The following PFAS variants were observed in gnomAD, a reference collection of about 807,000 sequenced individuals.
The protein encoded by PFAS is phosphoribosylformylglycinamidine synthase, also known as FGAM synthase.
Under a neutral mutation model 140.6 loss-of-function variants are expected in PFAS, and 97 were observed. The ratio of observed to expected loss-of-function variants is 0.69; its 90% CI spans 0.59 to 0.82. The LOEUF is 0.82. Among genes scored for constraint, PFAS ranks in the 40% least tolerant of loss-of-function variants. The pLI is 0.00. For synonymous variants in PFAS, 679 were observed against 718.8 expected, an observed-to-expected ratio of 0.94 and a Z score of 0.88; for missense variants, 1,656 against 1,780.2, an observed-to-expected ratio of 0.93 and a Z score of 1.26.
At position 8,263,035 on chromosome 17, in the gene PFAS, C is replaced by G. The variant is rs762503832; in HGVS notation, c.1410+42C>G. ...AAAGGTGCAGAATCCTTGATATAAC[C>G]GGGCCCCAGGCATAGGGGAGCGTAT... On this transcript the variant is annotated intron_variant, in intron 12 of 27. Coordinates refer to ENST00000314666, the MANE Select transcript of PFAS (RefSeq NM_012393.3). The G allele has an allele frequency of 3.1e-6, 5 of 1,609,030 alleles. No homozygotes were observed. The African/African-American group carries it at 5.3e-5, about 17-fold the overall frequency.
chr17:8,259,115 G>A (rs76082855), intron 11 of PFAS, among the ~76,000 whole-genome samples: 4,347 of 140,618 alleles, frequency 0.031, 100 homozygotes, highest in Non-Finnish European at 0.048. Context: ...CACTGCGATC[G>A]CACCACTGTC....
Position 8,256,147 on chromosome 17 carries a change from A to G in PFAS, c.681-120A>G, listed in dbSNP as rs1989352690. 7.1e-6 allele frequency: 7 copies of G among 982,060 alleles called. No individual in the cohort carries two copies. The South Asian group carries it at 8.2e-5, about 11-fold the overall frequency. The allele number at this position is 982,060 out of a possible 1,614,324, so 60.8% of individuals were successfully genotyped here. ...TTATGACTTTTTGGAATATATTTTG[A>G]TCTGTCATCTAAGTATGAATTTGGC... On this transcript the variant is annotated intron_variant, in intron 6 of 27. Transcript: ENST00000314666.
In PFAS at chr17:8,254,289, A is replaced by T; in HGVS notation, c.266A>T (p.Glu89Val). ...LLPGSNDLLL[E>V]VGPRLNFSTP... is the part of the protein sequence containing the mutation. ...CCTGGCTCCAATGACCTGCTGCTGG[A>T]GGTCGGGCCCAGGTAAGTATCTCAT... is the stretch of plus-strand genomic sequence containing the variant. Residue 89 changes from glutamate (E) to valine (V), a missense_variant, in exon 3 of 28, where the codon GAG becomes GTG. Transcript: ENST00000314666. 1 of 1,614,080 alleles carries T rather than the reference A, an allele frequency of 6.2e-7. No homozygotes were observed. The highest frequency in any genetic ancestry group is 8.5e-7 in the Non-Finnish European group (1 of 1,180,012).
chr17:8,264,326 A>T lies in PFAS; in HGVS notation c.1906A>T (p.Met636Leu). 6.2e-7 allele frequency: 1 copy of T among 1,613,932 alleles called. No individual in the cohort carries two copies. Among genetic ancestry groups the T allele is most frequent in the East Asian group, 2.2e-5 (1 of 44,868 alleles). Residue 636 changes from methionine to leucine, a missense_variant, in exon 16 of 28, where the codon ATG becomes TTG. Transcript: ENST00000314666. ...GGAGCTCGAATGGGTGCTGGGCAAG[A>T]TGCCTCGGAAGGTATGTGGGGTTGA... is the stretch of plus-strand genomic sequence containing the variant. Reference protein sequence around the residue: ...DLELEWVLGKMPRKEFFLQRK... With the variant: ...DLELEWVLGKLPRKEFFLQRK...
intron 1 of PFAS, among the ~76,000 whole-genome samples, chr17:8,251,529 C>G (rs1328700379): frequency 2.0e-5 from 3 of 152,014 alleles, no homozygotes; most frequent in Non-Finnish European, 4.4e-5. Context: ...TCAAGCAGTC[C>G]ACTGCTTTGG....
Position 8,258,215 on chromosome 17 carries a change from C to T in PFAS, c.1336+16C>T, listed in dbSNP as rs1214556336. ...CCAGAGCCAGGTAAGAGCCTGCCAC[C>T]TTTCTCTGGATCCAGCCAGCTTTCT... On this transcript the variant is annotated intron_variant, in intron 11 of 27. Coordinates refer to ENST00000314666, the MANE Select transcript of PFAS (RefSeq NM_012393.3). 4 of 1,613,262 alleles carry T rather than the reference C, an allele frequency of 2.5e-6. No individual in the cohort carries two copies. The South Asian group carries it at 4.4e-5, about 18-fold the overall frequency.
At chr17:8,261,853 C>T (rs1009990025) in intron 11 of PFAS, among the ~76,000 whole-genome samples, 15 of 151,970 alleles carry the variant, frequency 9.9e-5, no homozygotes, top group Admixed American at 3.9e-4. Flanking sequence ...TCAAGCGATC[C>T]GCCCGCCTCA....
chr17:8,258,100 C>T lies in PFAS; in HGVS notation c.1237C>T (p.Pro413Ser), dbSNP rs1989447451. Reference sequence around the variant, plus strand: ...CGCCCGCTCCTTGGGCCTCCAGCTCCCAGACGGCCAGCGGCGTGAGTGGAT... The same window carrying T: ...CGCCCGCTCCTTGGGCCTCCAGCTCTCAGACGGCCAGCGGCGTGAGTGGAT... ...GFARSLGLQL[P>S]DGQRREWIKP... The change falls in exon 11 of 28, where the codon CCA becomes TCA. Residue 413 changes from proline to serine, a missense_variant. By Grantham distance (74) the Pro-to-Ser change is moderately conservative. This residue lies in a region of PFAS where 773 missense variants were observed against 757.3 expected (regional missense o/e 1.02). Transcript: ENST00000314666. The T allele has an allele frequency of 6.2e-7, 1 of 1,614,108 alleles. No individual in the cohort carries two copies. Among genetic ancestry groups the T allele is most frequent in the Non-Finnish European group, 8.5e-7 (1 of 1,180,008 alleles).
intron 11 of PFAS, among the ~76,000 whole-genome samples, chr17:8,259,557 G>GCA (rs1397004036): frequency 2.0e-5 from 3 of 148,804 alleles, no homozygotes; most frequent in East Asian, 4.2e-4. Context: ...CAAGGCAGGG[G>GCA]GATTACTTGA....
upstream of PFAS, among the ~76,000 whole-genome samples, chr17:8,248,451 G>A (rs1988972316): frequency 9.9e-6 from 1 of 101,304 alleles, no homozygotes; most frequent in African/African-American, 3.9e-5. Flanking sequence ...TAGTAGAGAC[G>A]GGGTTTCACC....
chr17:8,258,985 C>CAA (rs570981517), intron 11 of PFAS, among the ~76,000 whole-genome samples: 9 of 88,472 alleles, frequency 1.0e-4, no homozygotes, highest in Non-Finnish European at 1.4e-4. Flanking sequence ...GACTCCATCT[C>CAA]AAAAAAAAAA....
Position 8,266,509 on chromosome 17 carries a change from G to A in PFAS, c.2821+156G>A. The A allele has an allele frequency of 6.8e-7, 1 of 1,469,132 alleles. No individual in the cohort carries two copies. Among genetic ancestry groups the A allele is most frequent in the Non-Finnish European group, 9.0e-7 (1 of 1,113,096 alleles). The allele number at this position is 1,469,132 out of a possible 1,614,324, so 91.0% of individuals were successfully genotyped here. A position where few individuals can be genotyped will look rare whatever the true frequency, so the allele number is the denominator to read the frequency against. Reference sequence around the variant, plus strand: ...TGCTGTCTCTCTGACAGCTGAACTGGATGGAACTGGCTGACACCCACCATG... The same window carrying A: ...TGCTGTCTCTCTGACAGCTGAACTGAATGGAACTGGCTGACACCCACCATG... On this transcript the variant is annotated intron_variant, in intron 22 of 27. Transcript: ENST00000314666. This position sits in a 1 kb window ranked among gnomAD's most constrained non-coding sequence, Gnocchi z 5.0.
At chr17:8,257,697 A>G (rs1989428351) in intron 9 of PFAS, 110 bp from the exon 10 acceptor site, 7 of 1,119,822 alleles carry the variant, frequency 6.3e-6, no homozygotes, top group Non-Finnish European at 9.5e-6. Flanking sequence ...GAACATTGCA[A>G]CCATGCAGGT....
At position 8,256,642 on chromosome 17, in the gene PFAS, C is replaced by A; in HGVS notation, c.940C>A (p.Pro314Thr). The A allele has an allele frequency of 6.2e-7, 1 of 1,614,050 alleles. No individual in the cohort carries two copies. ...CTTCACAGCAGAGACTCACAACTTT[C>A]CCACAGGTGAGCTGGGTTCCCTGGA... ...VVFTAETHNF[P>T]TGVCPFSGAT... The change falls in exon 8 of 28, where the codon CCC (proline) becomes ACC (threonine). Residue 314 changes from proline (P) to threonine (T), a missense_variant. Physicochemically the swap from Pro to Thr is conservative, Grantham distance 38. Transcript: ENST00000314666.
rs1253509602 is a variant in PFAS at position 8,269,240 on chromosome 17, C to T, written c.3993C>T (p.Asn1331=). The T allele has an allele frequency of 1.1e-5, 17 of 1,609,432 alleles. No homozygotes were observed. Among genetic ancestry groups the T allele is most frequent in the Non-Finnish European group, 1.4e-5 (17 of 1,176,906 alleles). The change falls in exon 28 of 28, where the codon AAC becomes AAT. Residue 1331 remains asparagine (N), a synonymous_variant. Coordinates refer to ENST00000314666, the MANE Select transcript of PFAS (RefSeq NM_012393.3). The stretch of plus-strand genomic sequence containing the variant: ...TCCAGCTCTTTATCAATGCCCGAAA[C>T]TGGACCCTGGAAGGGAGCTGCTGAC... ...PWLQLFINAR[N]WTLEGSC
chr17:8,251,621 G>A lies in PFAS; in HGVS notation c.-79-2238G>A, dbSNP rs533508300. On this transcript the variant is annotated intron_variant, in intron 1 of 27. Transcript: ENST00000314666. Reference sequence around the variant, plus strand: ...TGGCTTCTGTGGGAGTCTTTGAGCTGGTGGAGTCAGCTGTTCTGCTGGAAT... The same window carrying A: ...TGGCTTCTGTGGGAGTCTTTGAGCTAGTGGAGTCAGCTGTTCTGCTGGAAT... Among the ~76,000 whole-genome samples the A allele has an allele frequency of 2.2e-4, 33 of 151,056 alleles. 1 individual carries two copies. The highest frequency in any genetic ancestry group is 7.8e-4 in the African/African-American group (32 of 41,224).
At chr17:8,262,210 C>CT (rs765222700) in intron 11 of PFAS, among the ~76,000 whole-genome samples, 3 of 151,954 alleles carry the variant, frequency 2.0e-5, no homozygotes, top group Non-Finnish European at 4.4e-5. Flanking sequence ...CCTATATTCT[C>CT]TTTTTTTGGT....
chr17:8,264,127 C>T, intron 15 of PFAS, 85 bp from the exon 16 acceptor site: 1 of 1,568,182 alleles, frequency 6.4e-7, no homozygotes, highest in East Asian at 2.2e-5. Flanking sequence ...GAGTGGAAAG[C>T]ACATTTGTGC....
intron 11 of PFAS, among the ~76,000 whole-genome samples, chr17:8,262,208 C>G (rs182047978): frequency 6.6e-6 from 1 of 152,098 alleles, no homozygotes; most frequent in Admixed American, 6.6e-5. Context: ...TTCCTATATT[C>G]TCTTTTTTTG....
Sources: allele counts gnomAD v4.1 joint callset (sites outside exome capture counted in the v4.1 genomes callset), GRCh38; gene constraint gnomAD v4.1.1; regional missense constraint gnomAD v4.1.1; non-coding constraint Gnocchi (gnomAD v3.1); transcripts MANE v1.5; gene names NCBI Gene and HGNC (gene_info 2026-07-23, HGNC 2026-07-21).